Variants in LNX1 observed in about 807,000 individuals in gnomAD.
LNX1 encodes the protein ligand of numb-protein X 1.
LNX1 carries 54 observed loss-of-function variants against 68.4 expected under a neutral mutation model. The observed-to-expected ratio is 0.79, with a 90% confidence interval of 0.63 to 0.99. The LOEUF is 0.99. Ranked by LOEUF, LNX1 falls within the 50% of genes least tolerant of loss-of-function variation. LNX1 has a pLI of 0.00. For synonymous variants in LNX1, 336 were observed against 350.0 expected (o/e 0.96, Z 0.45); for missense variants, 906 against 926.4 (o/e 0.98, Z 0.29).
chr4:53,572,446 A>G (rs1474173479), intron 2 of LNX1, among the ~76,000 whole-genome samples: 1 of 152,228 alleles, frequency 6.6e-6, no homozygotes, highest in Non-Finnish European at 1.5e-5. Context: ...CATTACACCC[A>G]GGCCATTGCT....
intron 8 of LNX1, 25 bp from the exon 9 acceptor site, chr4:53,477,006 A>T: frequency 6.3e-7 from 1 of 1,587,028 alleles, no homozygotes. Context: ...AGCAGAAGCT[A>T]TCTTTAGTGA....
chr4:53,587,950 G>A (rs1384066158), intron 1 of LNX1, among the ~76,000 whole-genome samples: 1 of 152,166 alleles, frequency 6.6e-6, no homozygotes, highest in African/African-American at 2.4e-5. Context: ...CTGCCTTTGG[G>A]AGCCTTTTGG....
chr4:53,630,438 C>T (rs146688536), intron 1 of LNX1, among the ~76,000 whole-genome samples: 342 of 152,220 alleles, frequency 2.2e-3, no homozygotes, highest in African/African-American at 7.9e-3. Context: ...TTGTTTCAGC[C>T]CTCATACTGG....
intron 2 of LNX1, among the ~76,000 whole-genome samples, chr4:53,572,473 A>G (rs1303996534): frequency 6.6e-6 from 1 of 152,170 alleles, no homozygotes; most frequent in African/African-American, 2.4e-5. Context: ...GCAAACTTCC[A>G]TGTTAGAGAA....
intron 2 of LNX1, among the ~76,000 whole-genome samples, chr4:53,572,592 A>G (rs1400858381): frequency 6.6e-6 from 1 of 152,224 alleles, no homozygotes; most frequent in East Asian, 1.9e-4. Flanking sequence ...AGGAACCAGG[A>G]TAAACAACAT....
chr4:53,562,387 A>G (rs1158771698), intron 2 of LNX1, among the ~76,000 whole-genome samples: 2 of 152,238 alleles, frequency 1.3e-5, no homozygotes, highest in Non-Finnish European at 2.9e-5. Flanking sequence ...CTAAGAGGGC[A>G]GAAATCAACA....
Position 53,574,104 on chromosome 4 carries a change from A to G in LNX1, c.-86-16T>C. ...ATCCACACACCTAAAAAAGAACAAG[A>G]AGGCTCACCTTTGCTTCCCAGCACA... On this transcript the variant is annotated splice_polypyrimidine_tract_variant and intron_variant, in intron 1 of 10. Coordinates refer to ENST00000263925, the MANE Select transcript of LNX1 (RefSeq NM_001126328.3). 1 of 1,465,410 alleles carries G rather than the reference A, an allele frequency of 6.8e-7. No homozygotes were observed. Among genetic ancestry groups the G allele is most frequent in the Admixed American group, 2.6e-5 (1 of 38,560 alleles). 90.8% of individuals were successfully genotyped at this position (1,465,410 alleles called of 1,614,324 possible).
At chr4:53,623,988 T>A (rs1733980234) in intron 1 of LNX1, among the ~76,000 whole-genome samples, 1 of 151,354 alleles carries the variant, frequency 6.6e-6, no homozygotes, top group South Asian at 2.1e-4. Context: ...CAAAAGAATA[T>A]AGGTTTTTGT....
chr4:53,642,723 G>T (rs1286633328), intron 1 of LNX1, among the ~76,000 whole-genome samples: 1 of 152,178 alleles, frequency 6.6e-6, no homozygotes, highest in Non-Finnish European at 1.5e-5. Context: ...CAGCAAGCCT[G>T]CGGGGTCTGA....
At position 53,460,676 on chromosome 4, in the gene LNX1, A is replaced by G. The variant is rs192040199; in HGVS notation, c.*231T>C. On this transcript the variant is annotated 3_prime_UTR_variant, in exon 11 of 11. Transcript: ENST00000263925. ...TTATTGAATAGAAAAAATATAAACA[A>G]TGTTGTAGAGTAATGAGAAATCCTC... is the stretch of plus-strand genomic sequence containing the variant. 6.9e-4 allele frequency: 302 copies of G among 437,786 alleles called. 1 individual carries two copies. Among genetic ancestry groups the G allele is most frequent in the African/African-American group, 5.8e-3 (279 of 48,384 alleles). 27.1% of individuals were successfully genotyped at this position (437,786 alleles called of 1,614,324 possible). A position where few individuals can be genotyped will look rare whatever the true frequency, so the allele number is the denominator to read the frequency against.
At chr4:53,484,522 C>T (rs1011399623) in intron 6 of LNX1, among the ~76,000 whole-genome samples, 12 of 151,870 alleles carry the variant, frequency 7.9e-5, no homozygotes, top group Non-Finnish European at 8.8e-5. Flanking sequence ...GAGATTGTGG[C>T]ACTGCACTCA....
At chr4:53,584,930 C>T (rs955059824) in intron 1 of LNX1, among the ~76,000 whole-genome samples, 10 of 152,196 alleles carry the variant, frequency 6.6e-5, no homozygotes, top group African/African-American at 2.2e-4. Context: ...ATGACACACA[C>T]ATCCCCAAAT....
chr4:53,640,960 G>A (rs1040846077), intron 1 of LNX1, among the ~76,000 whole-genome samples: 2 of 152,202 alleles, frequency 1.3e-5, no homozygotes, highest in African/African-American at 4.8e-5. Context: ...TCCCTGGCCG[G>A]GGCTGAGGCC....
In LNX1 at chr4:53,460,745, A is replaced by G. The variant is rs1721869285; in HGVS notation, c.*162T>C. On this transcript the variant is annotated 3_prime_UTR_variant, in exon 11 of 11. Coordinates refer to ENST00000263925, the MANE Select transcript of LNX1 (RefSeq NM_001126328.3). ...GTAGTTTTAATTTTTTTGGAATCAT[A>G]TTTTCTGAGGTGTAACTGGCTTTCA... 3.0e-6 allele frequency: 2 copies of G among 676,354 alleles called. No homozygotes were observed. The highest frequency in any genetic ancestry group is 6.4e-5 in the East Asian group (2 of 31,360). The allele number at this position is 676,354 out of a possible 1,614,324, so 41.9% of individuals were successfully genotyped here. A position where few individuals can be genotyped will look rare whatever the true frequency, so the allele number is the denominator to read the frequency against.
Position 53,472,688 on chromosome 4 carries a change from A to AAC in LNX1, c.1892+4064_1892+4065insGT, listed in dbSNP as rs1560614549. ...TCAACAACAACAACAACAACAACAAAAAAAAAAAAAACAAAAAACAATGGG... is the reference window on the plus strand; with the variant it reads ...TCAACAACAACAACAACAACAACAAAACAAAAAAAAAAACAAAAAACAATGGG... On this transcript the variant is annotated intron_variant, in intron 9 of 10. Coordinates refer to ENST00000263925, the MANE Select transcript of LNX1 (RefSeq NM_001126328.3). 6.7e-3 allele frequency among the ~76,000 whole-genome samples: 817 copies of AAC among 122,326 alleles called. 7 individuals are homozygous for AAC. The highest frequency in any genetic ancestry group is 0.022 in the African/African-American group (754 of 33,538). 80.3% of individuals were successfully genotyped at this position (122,326 alleles called of 152,430 possible).
chr4:53,477,029 G>A, intron 8 of LNX1, 48 bp from the exon 9 acceptor site: 1 of 1,500,338 alleles, frequency 6.7e-7, no homozygotes, highest in Non-Finnish European at 9.2e-7. Context: ...GCACAAACAG[G>A]GACTTCTGCT....
chr4:53,553,470 G>T (rs1729659780), intron 2 of LNX1, among the ~76,000 whole-genome samples: 1 of 152,254 alleles, frequency 6.6e-6, no homozygotes, highest in South Asian at 2.1e-4. Flanking sequence ...TCTGATATGG[G>T]TGGTCCTCAG....
At chr4:53,464,988 G>A (rs1722559731) in intron 9 of LNX1, among the ~76,000 whole-genome samples, 1 of 151,974 alleles carries the variant, frequency 6.6e-6, no homozygotes, top group Non-Finnish European at 1.5e-5. Context: ...GATAACTTTT[G>A]CAGCTGTGCA....
At chr4:53,601,846 C>A (rs1183456688) in intron 2 of LNX1, among the ~76,000 whole-genome samples, 2 of 152,150 alleles carry the variant, frequency 1.3e-5, no homozygotes, top group Non-Finnish European at 2.9e-5. Flanking sequence ...CACTCTGAAG[C>A]TGCCAGTCAT....
Sources: gnomAD v4.1 joint callset for allele counts (sites outside exome capture counted in the v4.1 genomes callset) on GRCh38, gnomAD v4.1.1 for gene constraint, MANE v1.5 for transcripts, NCBI Gene and HGNC (gene_info 2026-07-23, HGNC 2026-07-21) for gene names.